The following APPL2 variants were observed in gnomAD, a reference collection of about 807,000 sequenced individuals.
APPL2 encodes the protein adaptor protein, phosphotyrosine interacting with PH domain and leucine zipper 2, also known as DCC-interacting protein 13-beta.
A neutral mutation model predicts 92.7 loss-of-function variants in APPL2; 84 were observed. That is an observed-to-expected ratio of 0.91 (90% CI 0.76 to 1.09). The LOEUF (loss-of-function observed/expected upper bound fraction) is 1.09, where lower values mean the gene tolerates loss of function less well. Among genes scored for constraint, APPL2 ranks in the 50% least tolerant of loss-of-function variants. The pLI is 0.00. For missense variants in APPL2, 736 were observed against 824.5 expected (o/e 0.89, Z 1.31); for synonymous variants, 291 against 291.0 (o/e 1.00, Z 0.00).
intron 20 of APPL2, among the ~76,000 whole-genome samples, chr12:105,174,865 C>A (rs376753627): frequency 1.7e-5 from 1 of 60,112 alleles, no homozygotes; most frequent in Non-Finnish European, 3.2e-5. Context: ...GCTGCTGCTG[C>A]TTTTTTTTGG....
intron 17 of APPL2, among the ~76,000 whole-genome samples, chr12:105,186,535 C>T (rs1886623268): frequency 6.6e-6 from 1 of 151,340 alleles, no homozygotes; most frequent in Non-Finnish European, 1.5e-5. Flanking sequence ...AGCAGCTGAA[C>T]CATTTTATAT....
At chr12:105,200,851 TG>T (rs1888111033) in intron 9 of APPL2, among the ~76,000 whole-genome samples, 1 of 132,460 alleles carries the variant, frequency 7.5e-6, no homozygotes, top group Non-Finnish European at 1.6e-5. Flanking sequence ...TATGTATGTA[TG>T]TATGTATGTA....
chr12:105,215,086 TTAAG>T (rs1349914428), intron 4 of APPL2, among the ~76,000 whole-genome samples: 2 of 152,182 alleles, frequency 1.3e-5, no homozygotes, highest in Non-Finnish European at 2.9e-5. Context: ...AAAGGTAAAT[TTAAG>T]TGTTTCCCTG....
intron 2 of APPL2, among the ~76,000 whole-genome samples, chr12:105,219,881 G>A (rs188422104): frequency 6.6e-6 from 1 of 152,320 alleles, no homozygotes; most frequent in African/African-American, 2.4e-5. Flanking sequence ...GTTCCTGAGG[G>A]CAGCACCATG....
In APPL2 at chr12:105,200,856, GTATGTATGTATC is replaced by G. The variant is rs1195345068; in HGVS notation, c.705-1337_705-1326del. The stretch of plus-strand genomic sequence containing the variant: ...CGTATGTATGTATGTATGTATGTAT[GTATGTATGTATC>G]TATCTATCTATCTATCTATCTATCT... On this transcript the variant is annotated intron_variant, in intron 9 of 20. Coordinates refer to ENST00000258530, the MANE Select transcript of APPL2 (RefSeq NM_018171.5). Among the ~76,000 whole-genome samples, 223 of 111,762 alleles carry G rather than the reference GTATGTATGTATC, an allele frequency of 2.0e-3. 3 individuals carry two copies. The highest frequency in any genetic ancestry group is 0.011 in the Middle Eastern group (3 of 270). 73.3% of individuals were successfully genotyped at this position (111,762 alleles called of 152,430 possible).
At chr12:105,193,197 TA>T (rs756824649) in intron 14 of APPL2, among the ~76,000 whole-genome samples, 10 of 152,164 alleles carry the variant, frequency 6.6e-5, no homozygotes, top group Non-Finnish European at 1.3e-4. Flanking sequence ...TATTCTAGAA[TA>T]GGGGGAAAAG....
At chr12:105,234,427 C>T (rs1891111438) in intron 1 of APPL2, among the ~76,000 whole-genome samples, 1 of 152,234 alleles carries the variant, frequency 6.6e-6, no homozygotes, top group African/African-American at 2.4e-5. Flanking sequence ...ACTTGCTCTA[C>T]AGTCCTGTCT....
At chr12:105,179,656 T>G (rs1255846433) in intron 17 of APPL2, among the ~76,000 whole-genome samples, 1 of 152,244 alleles carries the variant, frequency 6.6e-6, no homozygotes, top group Non-Finnish European at 1.5e-5. Flanking sequence ...GTTTCCTGAC[T>G]TTTTAATGAT....
At chr12:105,217,164 C>T (rs1449522871) in intron 3 of APPL2, 24 bp from the exon 4 acceptor site, 14 of 1,564,908 alleles carry the variant, frequency 8.9e-6, no homozygotes, top group African/African-American at 1.4e-5. Flanking sequence ...ATAAAAGAAG[C>T]AGGTGTTAAG....
intron 2 of APPL2, among the ~76,000 whole-genome samples, chr12:105,225,929 T>C (rs1890464358): frequency 6.6e-6 from 1 of 152,226 alleles, no homozygotes; most frequent in Non-Finnish European, 1.5e-5. Context: ...ATATCTTTTA[T>C]GAACACTTAT....
At chr12:105,213,689 G>A (rs934653904) in intron 4 of APPL2, among the ~76,000 whole-genome samples, 28 of 152,316 alleles carry the variant, frequency 1.8e-4, no homozygotes, top group African/African-American at 5.8e-4. Flanking sequence ...GAACTTTCCT[G>A]TAATTTCTGA....
chr12:105,229,680 A>C (rs1890777085), intron 1 of APPL2: 5 of 986,854 alleles, frequency 5.1e-6, no homozygotes, highest in Non-Finnish European at 6.0e-6. Context: ...AGCAGGAACC[A>C]GCAGTCTGGT....
intron 5 of APPL2, among the ~76,000 whole-genome samples, chr12:105,208,836 G>A (rs1390006305): frequency 6.6e-6 from 1 of 152,140 alleles, no homozygotes; most frequent in East Asian, 1.9e-4. Flanking sequence ...ACCGTCCAAG[G>A]TTAGAAACTT....
At chr12:105,217,607 T>G in intron 3 of APPL2, 59 bp downstream of exon 3, 8 of 1,542,106 alleles carry the variant, frequency 5.2e-6, no homozygotes, top group Non-Finnish European at 7.1e-6. Flanking sequence ...CTCTGGATAA[T>G]TCCACTTAAG....
At chr12:105,184,810 G>T (rs78473851) in intron 17 of APPL2, among the ~76,000 whole-genome samples, 6 of 152,226 alleles carry the variant, frequency 3.9e-5, no homozygotes, top group Non-Finnish European at 8.8e-5. Flanking sequence ...GCTCTCTTGA[G>T]AGCTGGCAGG....
At chr12:105,200,133 T>G (rs1313667186) in intron 9 of APPL2, among the ~76,000 whole-genome samples, 1 of 152,114 alleles carries the variant, frequency 6.6e-6, no homozygotes, top group African/African-American at 2.4e-5. Flanking sequence ...CGCGCCCGGC[T>G]GAACCCAGCT....
intron 17 of APPL2, among the ~76,000 whole-genome samples, chr12:105,181,497 C>CTCTT (rs1886110920): frequency 6.6e-6 from 1 of 152,128 alleles, no homozygotes; most frequent in Non-Finnish European, 1.5e-5. Context: ...GGAGGAGTCC[C>CTCTT]TCTTTTTCTA....
Position 105,176,901 on chromosome 12 carries a change from A to G in APPL2, c.1787T>C (p.Phe596Ser). 6 of 1,614,108 alleles carry G rather than the reference A, an allele frequency of 3.7e-6. 1 individual carries two copies. The South Asian group carries it at 6.6e-5, about 18-fold the overall frequency. Reference sequence around the variant, plus strand: ...CTTTTCGCCTTCTGAGTTGCTTTCAAAAATGTATGTACTCAGAGATTCTTC... The same window carrying G: ...CTTTTCGCCTTCTGAGTTGCTTTCAGAAATGTATGTACTCAGAGATTCTTC... ...TGEESLSTYI[F>S]ESNSEGEKIC... Residue 596 changes from phenylalanine (F) to serine (S), a missense_variant, in exon 19 of 21, where the codon TTT becomes TCT. By Grantham distance (155) the Phe-to-Ser change is radical. Coordinates refer to ENST00000258530, the MANE Select transcript of APPL2 (RefSeq NM_018171.5).
At position 105,217,678 on chromosome 12, in the gene APPL2, T is replaced by C; in HGVS notation, c.201A>G (p.Ala67=). 1.9e-6 allele frequency: 3 copies of C among 1,614,048 alleles called. No homozygotes were observed. The highest frequency in any genetic ancestry group is 1.1e-5 in the South Asian group (1 of 91,084). ...ATQQLSKQLL[A]YEKQNFALGK... ...AATACCAAGTTACCTGTTTTTCATA[T>C]GCCAGCAGTTGCTTAGAAAGCTGTT... The change falls in exon 3 of 21, where the codon GCA becomes GCG. Residue 67 remains alanine (A), a synonymous_variant. Coordinates refer to ENST00000258530, the MANE Select transcript of APPL2 (RefSeq NM_018171.5).
Sources: allele counts gnomAD v4.1 joint callset (sites outside exome capture counted in the v4.1 genomes callset), GRCh38; gene constraint gnomAD v4.1.1; transcripts MANE v1.5; gene names NCBI Gene and HGNC (gene_info 2026-07-23, HGNC 2026-07-21).